Variants in MON2 observed in about 807,000 individuals in gnomAD.
MON2 encodes MON2 regulator of endosome-to-Golgi trafficking.
A neutral mutation model predicts 208.6 loss-of-function variants in MON2; 84 were observed. That is an observed-to-expected ratio of 0.40 (90% CI 0.34 to 0.48). The LOEUF is 0.48. Among genes scored for constraint, MON2 ranks in the 20% least tolerant of loss-of-function variants. The pLI is 0.59. For missense variants in MON2, 1,611 were observed against 2,015.4 expected (o/e 0.80, Z 3.84); for synonymous variants, 660 against 694.0 (o/e 0.95, Z 0.77).
At chr12:62,489,110 T>C (rs2069963384) in intron 2 of MON2, among the ~76,000 whole-genome samples, 1 of 152,270 alleles carries the variant, frequency 6.6e-6, no homozygotes, top group African/African-American at 2.4e-5. Flanking sequence ...TTTAGAATTA[T>C]TTCTTAATAA....
chr12:62,519,430 C>G (rs188017920), intron 8 of MON2, among the ~76,000 whole-genome samples: 86 of 152,192 alleles, frequency 5.7e-4, no homozygotes, highest in African/African-American at 2.0e-3. Flanking sequence ...ACAGTGACCC[C>G]TTTATATTCT....
At chr12:62,552,181 T>G (rs1413662379) in intron 23 of MON2, among the ~76,000 whole-genome samples, 1 of 152,170 alleles carries the variant, frequency 6.6e-6, no homozygotes, top group Non-Finnish European at 1.5e-5. Context: ...ATTTGTGGAT[T>G]TGGGTATGCA....
At chr12:62,549,243 A>G (rs1232638781) in intron 22 of MON2, among the ~76,000 whole-genome samples, 1 of 152,096 alleles carries the variant, frequency 6.6e-6, no homozygotes, top group Non-Finnish European at 1.5e-5. Context: ...TATGATCAAT[A>G]TTAGGAGTTT....
At position 62,544,991 on chromosome 12, in the gene MON2, C is replaced by G. The variant is rs2073417689; in HGVS notation, c.2560C>G (p.Pro854Ala). ...KAGLTFNHDP[P>A]LSQNQRLQLL... ...AGGATTAACATTTAACCATGATCCT[C>G]CACTCTCACAAAACCAGGTAATAAA... The change falls in exon 21 of 35, where the codon CCA becomes GCA. Residue 854 changes from proline (P) to alanine (A), a missense_variant. Transcript: ENST00000393630. 2 of 1,584,222 alleles carry G rather than the reference C, an allele frequency of 1.3e-6. No individual in the cohort carries two copies. The highest frequency in any genetic ancestry group is 1.7e-6 in the Non-Finnish European group (2 of 1,164,922).
chr12:62,525,972 G>C lies in MON2; in HGVS notation c.1270G>C (p.Val424Leu), dbSNP rs1197478705. 1.9e-6 allele frequency: 3 copies of C among 1,613,708 alleles called. No individual in the cohort carries two copies. Among genetic ancestry groups the C allele is most frequent in the Non-Finnish European group, 2.5e-6 (3 of 1,179,794 alleles). ...QAGNNNLGGSVSAPANSGMVG... is the reference protein window; with the variant it reads ...QAGNNNLGGSLSAPANSGMVG... ...AGGAAACAATAATTTAGGTGGCTCA[G>C]TCTCAGCACCAGCTAACTCAGGAAT... Residue 424 changes from valine to leucine, a missense_variant, in exon 11 of 35, where the codon GTC becomes CTC. Coordinates refer to ENST00000393630, the MANE Select transcript of MON2 (RefSeq NM_015026.3).
chr12:62,480,687 C>T (rs1163200798), intron 1 of MON2, among the ~76,000 whole-genome samples: 5 of 152,218 alleles, frequency 3.3e-5, no homozygotes, highest in South Asian at 2.1e-4. Context: ...AGGACTATGG[C>T]GAATTTGAAA....
In MON2 at chr12:62,498,919, G is replaced by C; in HGVS notation, c.436G>C (p.Ala146Pro). ...TVVHDEALSK[A>P]IVLCFRLHFT... ...CACTAAATGAAAATTGTGTTTTCAG[G>C]CAATCGTTCTTTGTTTTCGACTACA... The change falls in exon 5 of 35, where the codon GCA becomes CCA. Residue 146 changes from alanine (A) to proline (P), a missense_variant and splice_region_variant. Coordinates refer to ENST00000393630, the MANE Select transcript of MON2 (RefSeq NM_015026.3). The C allele has an allele frequency of 6.3e-7, 1 of 1,592,704 alleles. No homozygotes were observed. The highest frequency in any genetic ancestry group is 8.5e-7 in the Non-Finnish European group (1 of 1,171,492).
At chr12:62,485,347 T>C (rs2069707270) in intron 2 of MON2, among the ~76,000 whole-genome samples, 1 of 152,232 alleles carries the variant, frequency 6.6e-6, no homozygotes, top group African/African-American at 2.4e-5. Context: ...CTTTACATTT[T>C]TTAAAAGGGA....
chr12:62,490,516 C>T (rs573980750), intron 2 of MON2, among the ~76,000 whole-genome samples: 3 of 152,106 alleles, frequency 2.0e-5, no homozygotes, highest in East Asian at 3.9e-4. Flanking sequence ...GAGTGGATAT[C>T]TCTCAGTTGG....
chr12:62,570,201 G>C (rs2074538786), intron 29 of MON2, among the ~76,000 whole-genome samples: 1 of 152,124 alleles, frequency 6.6e-6, no homozygotes, highest in Non-Finnish European at 1.5e-5. Flanking sequence ...GTTGAAAAGA[G>C]AAGTCACTAT....
chr12:62,585,953 GTCT>G (rs964452386), intron 33 of MON2, among the ~76,000 whole-genome samples: 1 of 151,998 alleles, frequency 6.6e-6, no homozygotes, highest in African/African-American at 2.4e-5. Flanking sequence ...CTGATCTTAG[GTCT>G]TCTTTTCATC....
intron 26 of MON2, 120 bp downstream of exon 26, chr12:62,561,233 G>A: frequency 1.3e-6 from 1 of 766,532 alleles, no homozygotes; most frequent in Admixed American, 3.4e-5. Context: ...TGTATACTTT[G>A]GGATAAACTG....
intron 29 of MON2, among the ~76,000 whole-genome samples, chr12:62,569,976 A>T (rs2074527880): frequency 6.6e-6 from 1 of 152,140 alleles, no homozygotes; most frequent in South Asian, 2.1e-4. Context: ...TTTAGACCCA[A>T]ATTTTTACGT....
chr12:62,535,179 C>G (rs1303784679), intron 13 of MON2, among the ~76,000 whole-genome samples: 2 of 152,144 alleles, frequency 1.3e-5, no homozygotes, highest in African/African-American at 2.4e-5. Context: ...TCAAGACTTA[C>G]AACTACTTTT....
chr12:62,491,080 T>A (rs995362615), intron 2 of MON2, among the ~76,000 whole-genome samples: 1 of 152,222 alleles, frequency 6.6e-6, no homozygotes, highest in African/African-American at 2.4e-5. Context: ...TGGTTCTTCA[T>A]GTTATTATCA....
intron 4 of MON2, among the ~76,000 whole-genome samples, chr12:62,498,330 G>A (rs192824146): frequency 3.9e-5 from 6 of 152,252 alleles, no homozygotes; most frequent in East Asian, 1.9e-4. Context: ...CTGGGGCCAC[G>A]GGTAGAGGAA....
At chr12:62,558,755 T>TGGTGTGA (rs1478373597) in intron 25 of MON2, among the ~76,000 whole-genome samples, 2 of 150,024 alleles carry the variant, frequency 1.3e-5, no homozygotes, top group African/African-American at 4.9e-5. Context: ...TGGAGTGCAG[T>TGGTGTGA]GGTGTGATCT....
chr12:62,503,752 C>A (rs552130697), intron 7 of MON2, among the ~76,000 whole-genome samples: 9 of 152,266 alleles, frequency 5.9e-5, no homozygotes, highest in African/African-American at 9.6e-5. Flanking sequence ...TGCCCCAGGG[C>A]CTTTGTACTT....
In MON2 at chr12:62,515,750, C is replaced by T. The variant is rs115024015; in HGVS notation, c.984+7270C>T. 1.8e-3 allele frequency among the ~76,000 whole-genome samples: 276 copies of T among 150,712 alleles called. 1 individual carries two copies. Among genetic ancestry groups the T allele is most frequent in the African/African-American group, 6.5e-3 (267 of 40,958 alleles). Reference sequence around the variant, plus strand: ...GAATTGCTTGAATCTGGGAGGCAGACGTTGCAGTGAACCGAGATCACACAA... The same window carrying T: ...GAATTGCTTGAATCTGGGAGGCAGATGTTGCAGTGAACCGAGATCACACAA... On this transcript the variant is annotated intron_variant, in intron 8 of 34. Transcript: ENST00000393630.
Sources: gnomAD v4.1 joint callset for allele counts (sites outside exome capture counted in the v4.1 genomes callset) on GRCh38, gnomAD v4.1.1 for gene constraint, MANE v1.5 for transcripts, NCBI Gene and HGNC (gene_info 2026-07-23, HGNC 2026-07-21) for gene names.